Variants in SLC24A2 observed in about 807,000 individuals in gnomAD.
The protein encoded by SLC24A2 is sodium/potassium/calcium exchanger 2.
Under a neutral mutation model 62.0 loss-of-function variants are expected in SLC24A2, and 36 were observed. The ratio of observed to expected loss-of-function variants is 0.58; its 90% CI spans 0.44 to 0.77. The LOEUF (loss-of-function observed/expected upper bound fraction) is 0.77, where lower values mean the gene tolerates loss of function less well. Among genes scored for constraint, SLC24A2 ranks in the 30% least tolerant of loss-of-function variants. The pLI is 0.00. For missense variants in SLC24A2, 846 were observed against 817.9 expected (o/e 1.03, Z -0.42); for synonymous variants, 358 against 294.0 (o/e 1.22, Z -2.23).
chr9:19,962,069 C>T, the SLC24A2 span, among the ~76,000 whole-genome samples: 3 of 152,196 alleles, frequency 2.0e-5, no homozygotes, highest in South Asian at 6.2e-4. Context: ...ATCTTGCTTC[C>T]CACACCATCT....
chr9:19,746,228 C>G (rs565926188), intron 2 of SLC24A2, among the ~76,000 whole-genome samples: 1 of 151,900 alleles, frequency 6.6e-6, no homozygotes, highest in Non-Finnish European at 1.5e-5. Flanking sequence ...GACAACTTTC[C>G]GATGGGACCA....
chr9:19,810,650 G>A, the SLC24A2 span, among the ~76,000 whole-genome samples: 5 of 152,274 alleles, frequency 3.3e-5, no homozygotes, highest in Middle Eastern at 3.4e-3. Flanking sequence ...TAATGCGTCC[G>A]CTTAAGTAGC....
At chr9:19,826,457 C>T in the SLC24A2 span, among the ~76,000 whole-genome samples, 910 of 151,962 alleles carry the variant, frequency 6.0e-3, 12 homozygotes, top group African/African-American at 0.021. Flanking sequence ...CATGCTGCCA[C>T]AAAAAAATAC....
At chr9:19,538,616 T>C (rs1380781310) in intron 8 of SLC24A2, among the ~76,000 whole-genome samples, 5 of 80,480 alleles carry the variant, frequency 6.2e-5, no homozygotes, top group African/African-American at 2.2e-4. Context: ...CAGTATTTTA[T>C]TGAGGATTTT....
intron 2 of SLC24A2, among the ~76,000 whole-genome samples, chr9:19,650,215 T>A (rs900280834): frequency 2.0e-5 from 3 of 152,162 alleles, no homozygotes; most frequent in African/African-American, 7.2e-5. Context: ...AAGCTGAAAA[T>A]GTAAGAAACC....
At chr9:20,233,926 T>G in the SLC24A2 span, among the ~76,000 whole-genome samples, 1 of 152,214 alleles carries the variant, frequency 6.6e-6, no homozygotes, top group African/African-American at 2.4e-5. Flanking sequence ...GGCCTGGTGG[T>G]GACAAAATCT....
At chr9:20,020,279 T>C in the SLC24A2 span, among the ~76,000 whole-genome samples, 10 of 152,228 alleles carry the variant, frequency 6.6e-5, no homozygotes. Flanking sequence ...CAAATATGTT[T>C]ATTGCAGCAC....
the SLC24A2 span, among the ~76,000 whole-genome samples, chr9:20,187,404 G>A: frequency 2.9e-4 from 44 of 152,046 alleles, no homozygotes; most frequent in Non-Finnish European, 5.3e-4. Flanking sequence ...CTGACCCCCC[G>A]TTGCTTACTC....
chr9:19,648,720 G>A (rs911737558), intron 2 of SLC24A2, among the ~76,000 whole-genome samples: 2 of 152,160 alleles, frequency 1.3e-5, no homozygotes, highest in Admixed American at 6.5e-5. Flanking sequence ...TCTAATTAAA[G>A]AGGACACTTT....
chr9:19,998,143 A>C, the SLC24A2 span, among the ~76,000 whole-genome samples: 16 of 152,314 alleles, frequency 1.1e-4, no homozygotes, highest in Admixed American at 9.8e-4. Context: ...CTTCACAATG[A>C]AACAACAAAA....
chr9:19,649,012 A>AAC lies in SLC24A2; in HGVS notation c.931-26714_931-26713insGT, dbSNP rs567231541. 7.6e-3 allele frequency among the ~76,000 whole-genome samples: 1,144 copies of AAC among 151,304 alleles called. 7 individuals are homozygous for AAC. The highest frequency in any genetic ancestry group is 0.012 in the Non-Finnish European group (811 of 67,790). On this transcript the variant is annotated intron_variant, in intron 2 of 10. Coordinates refer to ENST00000341998, the MANE Select transcript of SLC24A2 (RefSeq NM_020344.4). ...GTTTGATTAAAAACCAAAAAAAAAA[A>AAC]AAAAAAACAAAAAACCCAGTAATTC...
the SLC24A2 span, among the ~76,000 whole-genome samples, chr9:19,935,361 G>A: frequency 6.6e-6 from 1 of 151,790 alleles, no homozygotes; most frequent in Non-Finnish European, 1.5e-5. Context: ...TGCTGAAGAG[G>A]ATCTGAAAGA....
the SLC24A2 span, among the ~76,000 whole-genome samples, chr9:20,246,179 C>A: frequency 8.1e-4 from 124 of 152,302 alleles, 1 homozygote; most frequent in Middle Eastern, 3.4e-3. Context: ...ACTCATTCAA[C>A]AAATATTATT....
At chr9:19,640,819 T>G (rs925381021) in intron 2 of SLC24A2, among the ~76,000 whole-genome samples, 1 of 152,244 alleles carries the variant, frequency 6.6e-6, no homozygotes, top group Admixed American at 6.5e-5. Flanking sequence ...AATATTGCAT[T>G]AAAATATTTA....
the SLC24A2 span, among the ~76,000 whole-genome samples, chr9:20,252,971 C>T: frequency 1.6e-4 from 24 of 152,176 alleles, no homozygotes; most frequent in Admixed American, 1.1e-3. Flanking sequence ...TAGTTAATCT[C>T]ATCAACTAAT....
intron 2 of SLC24A2, among the ~76,000 whole-genome samples, chr9:19,631,300 T>G (rs1194501636): frequency 6.6e-6 from 1 of 152,194 alleles, no homozygotes; most frequent in Admixed American, 6.5e-5. Context: ...TGTGTCACTT[T>G]CCTCCTGGCA....
the SLC24A2 span, among the ~76,000 whole-genome samples, chr9:20,106,648 AC>A: frequency 6.6e-5 from 10 of 152,066 alleles, no homozygotes; most frequent in East Asian, 7.7e-4. Flanking sequence ...AAATTCAACA[AC>A]CCTTCATGCT....
chr9:19,952,625 T>C, the SLC24A2 span, among the ~76,000 whole-genome samples: 1 of 151,664 alleles, frequency 6.6e-6, no homozygotes, highest in Admixed American at 6.6e-5. Context: ...CTCATATACA[T>C]TGTTGGGTTT....
chr9:19,819,040 C>A, the SLC24A2 span, among the ~76,000 whole-genome samples: 2 of 150,914 alleles, frequency 1.3e-5, no homozygotes, highest in East Asian at 3.9e-4. Context: ...CAGAAATAAA[C>A]CCAGATACTT....
Sources: allele counts gnomAD v4.1 joint callset (sites outside exome capture counted in the v4.1 genomes callset), GRCh38; gene constraint gnomAD v4.1.1; transcripts MANE v1.5; gene names NCBI Gene and HGNC (gene_info 2026-07-23, HGNC 2026-07-21).